ZNF527: variants seen among roughly 807,000 people sequenced by gnomAD.
The protein encoded by ZNF527 is zinc finger protein 527.
Under a neutral mutation model 13.5 loss-of-function variants are expected in ZNF527, and 5 were observed. The observed-to-expected ratio is 0.37, with a 90% CI of 0.19 to 0.78. The LOEUF is 0.78. ZNF527 is among the 30% of genes least tolerant of loss of function. ZNF527 has a pLI of 0.48. For synonymous variants in ZNF527, 209 were observed against 243.1 expected (o/e 0.86, Z 1.30); for missense variants, 628 against 726.4 (o/e 0.86, Z 1.56).
chr19:37,377,874 C>A (rs571722475), intron 2 of ZNF527, among the ~76,000 whole-genome samples: 2 of 151,978 alleles, frequency 1.3e-5, no homozygotes, highest in African/African-American at 2.4e-5. Context: ...GATGGGACAA[C>A]GGAGTTTATT....
At chr19:37,388,198 C>A in intron 4 of ZNF527, 108 bp from the exon 5 acceptor site, 1 of 1,318,912 alleles carries the variant, frequency 7.6e-7, no homozygotes, top group Non-Finnish European at 1.0e-6. Context: ...GAACCACAGA[C>A]TTTCTACCCT....
intron 1 of ZNF527, among the ~76,000 whole-genome samples, chr19:37,372,463 T>C (rs867095097): frequency 8.1e-4 from 95 of 116,924 alleles, no homozygotes; most frequent in African/African-American, 3.7e-3. Context: ...TTTTCTTTTC[T>C]TTTCTTTTTT....
At chr19:37,379,007 A>T (rs1600265498) in intron 2 of ZNF527, 113 bp from the exon 3 acceptor site, 1 of 1,184,508 alleles carries the variant, frequency 8.4e-7, no homozygotes, top group East Asian at 2.5e-5. Flanking sequence ...TTGTTCTCCA[A>T]TAATTATTTT....
intron 4 of ZNF527, chr19:37,385,538 T>C (rs866101357): frequency 5.6e-5 from 22 of 392,318 alleles, no homozygotes; most frequent in Middle Eastern, 6.4e-4. Context: ...GAATGTTCTT[T>C]TTTTGTTCAT....
At chr19:37,377,711 AGGGGCC>A (rs2040619561) in intron 2 of ZNF527, among the ~76,000 whole-genome samples, 1 of 152,102 alleles carries the variant, frequency 6.6e-6, no homozygotes, top group Non-Finnish European at 1.5e-5. Flanking sequence ...AGCTGGGTGG[AGGGGCC>A]CCTGACAGGT....
In ZNF527 at chr19:37,390,581, A is replaced by G. The variant is rs1343657374; in HGVS notation, c.*702A>G. ...TTTCAAGGATTTAATAAGATTAAAA[A>G]CTCACCAGTAGCCTTTTTGCCACTC... On this transcript the variant is annotated 3_prime_UTR_variant, in exon 5 of 5. Coordinates refer to ENST00000436120, the MANE Select transcript of ZNF527 (RefSeq NM_032453.2). 2 of 152,000 alleles carry G rather than the reference A, an allele frequency of 1.3e-5. No homozygotes were observed. Among genetic ancestry groups the G allele is most frequent in the African/African-American group, 4.8e-5 (2 of 41,376 alleles). The allele number at this position is 152,000 out of a possible 1,614,324, so 9.4% of individuals were successfully genotyped here.
chr19:37,378,870 C>G (rs949632477), intron 2 of ZNF527, among the ~76,000 whole-genome samples: 1 of 152,124 alleles, frequency 6.6e-6, no homozygotes, highest in African/African-American at 2.4e-5. Flanking sequence ...TTAGTCTTTG[C>G]TGTTTCTTGT....
At chr19:37,380,051 A>T (rs771945250) in intron 3 of ZNF527, 1 of 708,312 alleles carries the variant, frequency 1.4e-6, no homozygotes, top group Admixed American at 3.7e-5. Context: ...TTCCTAGGTG[A>T]TGGCTGCAGC....
chr19:37,392,098 C>T lies in ZNF527; in HGVS notation c.*2219C>T, dbSNP rs936900841. The T allele has an allele frequency of 9.2e-5, 14 of 152,238 alleles. No individual in the cohort carries two copies. In the East Asian group the frequency reaches 2.5e-3, roughly 27 times the overall value. The allele number at this position is 152,238 out of a possible 1,614,324, so 9.4% of individuals were successfully genotyped here. Reference sequence around the variant, plus strand: ...AGCTTAAAATACAGATTTAGTGACTCAGTACTTCAAACCTTGAATAGAAAC... The same window carrying T: ...AGCTTAAAATACAGATTTAGTGACTTAGTACTTCAAACCTTGAATAGAAAC... On this transcript the variant is annotated 3_prime_UTR_variant, in exon 5 of 5. Transcript: ENST00000436120.
At chr19:37,375,728 T>C (rs2040602764) in intron 2 of ZNF527, among the ~76,000 whole-genome samples, 2 of 151,848 alleles carry the variant, frequency 1.3e-5, no homozygotes, top group Admixed American at 1.3e-4. Context: ...TGAACGTAGA[T>C]AGGAAAGAGA....
rs573071271 is a variant in ZNF527, at chr19:37,384,424, G to A, written c.257-3882G>A. Among the ~76,000 whole-genome samples the A allele has an allele frequency of 4.6e-5, 7 of 152,168 alleles. No homozygotes were observed. The East Asian group carries it at 1.2e-3, about 25-fold the overall frequency. On this transcript the variant is annotated intron_variant, in intron 4 of 4. Coordinates refer to ENST00000436120, the MANE Select transcript of ZNF527 (RefSeq NM_032453.2). ...GAGGTAGGAGGGTCACTTAAGCCTC[G>A]GAGGTCAAGGCTGCAATGAGCTGTG...
In ZNF527 at chr19:37,382,285, G is replaced by GTAGA. The variant is rs10594777; in HGVS notation, c.256+1956_256+1959dup. On this transcript the variant is annotated intron_variant, in intron 4 of 4. Coordinates refer to ENST00000436120, the MANE Select transcript of ZNF527 (RefSeq NM_032453.2). ...AGCTAGGAAACAGATAGATAGATAGGTAGATAGATAGATAGATAGATAGAT... is the reference window on the plus strand; with the variant it reads ...AGCTAGGAAACAGATAGATAGATAGGTAGATAGATAGATAGATAGATAGATAGAT... 9.0e-3 allele frequency among the ~76,000 whole-genome samples: 1,346 copies of GTAGA among 149,262 alleles called. 11 individuals carry two copies. Among genetic ancestry groups the GTAGA allele is most frequent in the East Asian group, 0.011 (54 of 5,032 alleles).
rs1355537285 is a variant in ZNF527, at chr19:37,391,975, G to T, written c.*2096G>T. On this transcript the variant is annotated 3_prime_UTR_variant, in exon 5 of 5. Transcript: ENST00000436120. Reference sequence around the variant, plus strand: ...TGAAGGATTTATATGTGTGCATAGAGTGAATATATGTGTGCATAGAGTGAA... The same window carrying T: ...TGAAGGATTTATATGTGTGCATAGATTGAATATATGTGTGCATAGAGTGAA... 1 of 152,140 alleles carries T rather than the reference G, an allele frequency of 6.6e-6. No homozygotes were observed. Among genetic ancestry groups the T allele is most frequent in the African/African-American group, 2.4e-5 (1 of 41,430 alleles). The allele number at this position is 152,140 out of a possible 1,614,324, so 9.4% of individuals were successfully genotyped here.
In ZNF527 at chr19:37,371,409, GTGTT is replaced by G. The variant is rs371529208; in HGVS notation, c.-42+187_-42+190del. 1.5e-3 allele frequency among the ~76,000 whole-genome samples: 229 copies of G among 152,370 alleles called. 1 individual carries two copies. The highest frequency in any genetic ancestry group is 0.01 in the Middle Eastern group (3 of 294). Reference sequence around the variant, plus strand: ...TGTGATCTTGTGTCACTGTGTGTGTGTGTTTGTGCGCGTGCGCCCGCTTGTGTGT... The same window carrying G: ...TGTGATCTTGTGTCACTGTGTGTGTGTGTGCGCGTGCGCCCGCTTGTGTGT... On this transcript the variant is annotated intron_variant, in intron 1 of 4. Transcript: ENST00000436120.
chr19:37,390,304 T>C lies in ZNF527; in HGVS notation c.*425T>C, dbSNP rs1321553696. On this transcript the variant is annotated 3_prime_UTR_variant, in exon 5 of 5. Coordinates refer to ENST00000436120, the MANE Select transcript of ZNF527 (RefSeq NM_032453.2). Reference sequence around the variant, plus strand: ...TCAGACTCCCAAAGTGCTGGGATTATGGGCGTGAGCCACCGCGCCTGGCCA... The same window carrying C: ...TCAGACTCCCAAAGTGCTGGGATTACGGGCGTGAGCCACCGCGCCTGGCCA... 1.9e-4 allele frequency: 32 copies of C among 168,964 alleles called. No individual in the cohort carries two copies. Among genetic ancestry groups the C allele is most frequent in the Admixed American group, 1.7e-3 (31 of 18,136 alleles). The allele number at this position is 168,964 out of a possible 1,614,324, so 10.5% of individuals were successfully genotyped here.
intron 3 of ZNF527, 169 bp from the exon 4 acceptor site, chr19:37,380,108 C>T (rs760707641): frequency 2.3e-6 from 3 of 1,293,990 alleles, no homozygotes; most frequent in Non-Finnish European, 2.0e-6. Flanking sequence ...GCTTCATCCT[C>T]CTCCTCATCC....
At chr19:37,375,246 CT>C (rs1450107528) in intron 2 of ZNF527, among the ~76,000 whole-genome samples, 1 of 44,960 alleles carries the variant, frequency 2.2e-5, no homozygotes, top group East Asian at 5.4e-4. Context: ...AGTGTATTTT[CT>C]TTCTTTCTTT....
Position 37,380,370 on chromosome 19 carries a change from C to T in ZNF527, c.254C>T (p.Ala85Val). The T allele has an allele frequency of 6.2e-7, 1 of 1,612,682 alleles. No individual in the cohort carries two copies. Residue 85 changes from alanine to valine, a missense_variant and splice_region_variant, in exon 4 of 5, where the codon GCA (alanine) becomes GTA (valine). Around this residue, in one of 3 missense-constraint regions of ZNF527, gnomAD observed 592 missense variants for 678.0 expected, o/e 0.87. Transcript: ENST00000436120. ...AGAAAGATGTCACAGGGTCACTGTG[C>T]AGGTGAGTGACAGATCACCAGGCAG... is the stretch of plus-strand genomic sequence containing the variant. Reference protein sequence around the residue: ...VERKMSQGHCADWESWCEIEE... With the variant: ...VERKMSQGHCVDWESWCEIEE...
At chr19:37,380,678 A>G (rs953226237) in intron 4 of ZNF527, among the ~76,000 whole-genome samples, 1 of 152,194 alleles carries the variant, frequency 6.6e-6, no homozygotes, top group Non-Finnish European at 1.5e-5. Flanking sequence ...TATCAAAGAT[A>G]TGTACACACA....
Sources: allele counts gnomAD v4.1 joint callset (sites outside exome capture counted in the v4.1 genomes callset), GRCh38; gene constraint gnomAD v4.1.1; regional missense constraint gnomAD v4.1.1; transcripts MANE v1.5; gene names NCBI Gene and HGNC (gene_info 2026-07-23, HGNC 2026-07-21).